SLC45A2: variants seen among roughly 807,000 people sequenced by gnomAD.
SLC45A2 encodes the protein membrane-associated transporter protein.
A neutral mutation model predicts 45.5 loss-of-function variants in SLC45A2; 36 were observed. That is an observed-to-expected ratio of 0.79 (90% CI 0.61 to 1.04). The LOEUF (loss-of-function observed/expected upper bound fraction) is 1.04, where lower values mean the gene tolerates loss of function less well. SLC45A2 is among the 50% of genes least tolerant of loss of function. The probability of loss-of-function intolerance (pLI) is 0.00; values close to 1 mark genes in which losing one functional copy is unlikely to be tolerated. For synonymous variants in SLC45A2, 306 were observed against 269.3 expected (o/e 1.14, Z -1.33); for missense variants, 719 against 671.0 (o/e 1.07, Z -0.79).
At chr5:33,982,186 G>A in intron 2 of SLC45A2, 50 bp downstream of exon 2, 1 of 1,600,668 alleles carries the variant, frequency 6.2e-7, no homozygotes. Flanking sequence ...TAGTGGAAGT[G>A]CCTCATTGTC....
intron 2 of SLC45A2, chr5:33,971,396 GGC>G: frequency 2.1e-6 from 1 of 467,400 alleles, no homozygotes; most frequent in Non-Finnish European, 4.1e-6. Flanking sequence ...AAACACTCTT[GGC>G]ACACAAGCTA....
intron 4 of SLC45A2, among the ~76,000 whole-genome samples, chr5:33,954,085 A>T (rs541651099): frequency 6.6e-6 from 1 of 151,698 alleles, no homozygotes; most frequent in South Asian, 2.1e-4. Flanking sequence ...CTACAAAGAG[A>T]CTTAGACTCC....
intron 3 of SLC45A2, among the ~76,000 whole-genome samples, chr5:33,958,615 CA>C (rs1752346199): frequency 6.6e-6 from 1 of 152,198 alleles, no homozygotes; most frequent in African/African-American, 2.4e-5. Context: ...CACTTGGGTT[CA>C]ATGGATCCTC....
At chr5:33,944,919 A>G (rs1751879468) in intron 6 of SLC45A2, 47 bp from the exon 7 acceptor site, 1 of 1,567,866 alleles carries the variant, frequency 6.4e-7, no homozygotes. Flanking sequence ...AGGAACTGTC[A>G]TTTAGGGCAC....
intron 2 of SLC45A2, among the ~76,000 whole-genome samples, chr5:33,966,028 A>G (rs35411): frequency 0.12 from 18,360 of 152,112 alleles, 2,336 homozygotes; most frequent in East Asian, 0.41. Context: ...CTATCTTTCA[A>G]ATTTTTGTTC....
At position 33,947,145 on chromosome 5, in the gene SLC45A2, G is replaced by A. The variant is rs1422643745; in HGVS notation, c.1368+18C>T. 6.2e-7 allele frequency: 1 copy of A among 1,614,164 alleles called. No homozygotes were observed. The highest frequency in any genetic ancestry group is 1.7e-5 in the Admixed American group (1 of 60,020). ...GAGTCTGGATGTTACCCAAGGCAGA[G>A]GTTCAATGACAGCACACCTCCTTTT... On this transcript the variant is annotated intron_variant, in intron 6 of 6. Transcript: ENST00000296589.
At chr5:33,958,906 C>T (rs1455344175) in intron 3 of SLC45A2, among the ~76,000 whole-genome samples, 1 of 152,104 alleles carries the variant, frequency 6.6e-6, no homozygotes, top group Non-Finnish European at 1.5e-5. Context: ...GAGGGGGAGT[C>T]CCAGTCTATC....
At chr5:33,954,608 C>G in intron 3 of SLC45A2, 104 bp from the exon 4 acceptor site, 9 of 1,503,636 alleles carry the variant, frequency 6.0e-6, no homozygotes, top group Non-Finnish European at 7.3e-6. Context: ...AGTCAGCCAT[C>G]ACACAAAGTG....
In SLC45A2 at chr5:33,951,602, C is replaced by T. The variant is rs747599069; in HGVS notation, c.1108G>A (p.Gly370Arg). Reference sequence around the variant, plus strand: ...GAGTTGATGCACAAGCCCCAACATCCAACCTCGACTCCTCTTTCGTAGATG... The same window carrying T: ...GAGTTGATGCACAAGCCCCAACATCTAACCTCGACTCCTCTTTCGTAGATG... ...FLIYERGVEV[G>R]CWGLCINSVF... The change falls in exon 5 of 7, where the codon GGA (glycine) becomes AGA (arginine). Residue 370 changes from glycine to arginine, a missense_variant. Physicochemically the swap from Gly to Arg is moderately radical, Grantham distance 125. Coordinates refer to ENST00000296589, the MANE Select transcript of SLC45A2 (RefSeq NM_016180.5). 6.2e-7 allele frequency: 1 copy of T among 1,614,182 alleles called. No homozygotes were observed. The highest frequency in any genetic ancestry group is 8.5e-7 in the Non-Finnish European group (1 of 1,180,006).
intron 4 of SLC45A2, among the ~76,000 whole-genome samples, chr5:33,953,071 A>G (rs1752163705): frequency 8.1e-6 from 1 of 123,870 alleles, no homozygotes; most frequent in African/African-American, 3.1e-5. Context: ...TATGTGCCAC[A>G]TTTTCTTAAT....
intron 3 of SLC45A2, among the ~76,000 whole-genome samples, chr5:33,962,998 G>A (rs966456753): frequency 6.6e-6 from 1 of 152,166 alleles, no homozygotes; most frequent in African/African-American, 2.4e-5. Flanking sequence ...ACATCTGCAC[G>A]TCCTATATTT....
chr5:33,981,486 T>C (rs982355976), intron 2 of SLC45A2, among the ~76,000 whole-genome samples: 2 of 152,202 alleles, frequency 1.3e-5, no homozygotes, highest in Non-Finnish European at 2.9e-5. Context: ...CCCTCTTAGA[T>C]ATAAAAATCC....
chr5:33,954,015 C>A (rs1752193813), intron 4 of SLC45A2, among the ~76,000 whole-genome samples: 1 of 144,738 alleles, frequency 6.9e-6, no homozygotes, highest in Non-Finnish European at 1.5e-5. Flanking sequence ...GCTAACTATC[C>A]TAAATATTTA....
At chr5:33,946,509 A>G in intron 6 of SLC45A2, 1 of 985,604 alleles carries the variant, frequency 1.0e-6, no homozygotes, top group Non-Finnish European at 1.2e-6. Flanking sequence ...TGGTAATTTT[A>G]GAGTGGAAAC....
chr5:33,970,302 T>C (rs181911672), intron 2 of SLC45A2, among the ~76,000 whole-genome samples: 16 of 152,342 alleles, frequency 1.1e-4, no homozygotes, highest in African/African-American at 3.8e-4. Context: ...GTACCACCCT[T>C]AGTCAGTCAG....
intron 6 of SLC45A2, 66 bp downstream of exon 6, chr5:33,947,097 C>A: frequency 6.2e-7 from 1 of 1,614,028 alleles, no homozygotes; most frequent in Non-Finnish European, 8.5e-7. Flanking sequence ...ACATTGCTAC[C>A]AAATCCTCCC....
chr5:33,951,443 A>C, intron 5 of SLC45A2, 111 bp downstream of exon 5: 2 of 1,601,570 alleles, frequency 1.2e-6, no homozygotes, highest in Non-Finnish European at 1.7e-6. Flanking sequence ...CCATAGATTT[A>C]TTAAGAATCT....
chr5:33,951,760 G>A (rs1752108225), intron 4 of SLC45A2, 83 bp from the exon 5 acceptor site: 1 of 1,558,188 alleles, frequency 6.4e-7, no homozygotes, highest in Middle Eastern at 1.7e-4. Context: ...TCCACCTCTG[G>A]GGAGCAAATG....
intron 2 of SLC45A2, among the ~76,000 whole-genome samples, chr5:33,964,778 T>C (rs1752556296): frequency 6.6e-6 from 1 of 152,212 alleles, no homozygotes; most frequent in Non-Finnish European, 1.5e-5. Flanking sequence ...AATTATCTGA[T>C]ATTTAAAATC....
Sources: gnomAD v4.1 joint callset for allele counts (sites outside exome capture counted in the v4.1 genomes callset) on GRCh38, gnomAD v4.1.1 for gene constraint, MANE v1.5 for transcripts, NCBI Gene and HGNC (gene_info 2026-07-23, HGNC 2026-07-21) for gene names.